Variants in TRPC4AP observed in about 807,000 individuals in gnomAD.
TRPC4AP encodes transient receptor potential cation channel subfamily C member 4 associated protein, also known as short transient receptor potential channel 4-associated protein.
A neutral mutation model predicts 99.0 loss-of-function variants in TRPC4AP; 45 were observed. The observed-to-expected ratio is 0.45, with a 90% CI of 0.36 to 0.58. The LOEUF is 0.58. Ranked by LOEUF, TRPC4AP falls within the 20% of genes least tolerant of loss-of-function variation. TRPC4AP has a pLI of 0.00. For missense variants in TRPC4AP, 879 were observed against 985.3 expected (o/e 0.89, Z 1.44); for synonymous variants, 408 against 385.8 (o/e 1.06, Z -0.67).
intron 7 of TRPC4AP, among the ~76,000 whole-genome samples, chr20:35,036,438 A>C (rs1282291603): frequency 6.6e-6 from 1 of 152,246 alleles, no homozygotes; most frequent in Admixed American, 6.5e-5. Flanking sequence ...GAACCATGTG[A>C]ATGTTACACC....
At chr20:35,018,193 G>A (rs1339595505) in intron 9 of TRPC4AP, among the ~76,000 whole-genome samples, 3 of 152,250 alleles carry the variant, frequency 2.0e-5, no homozygotes, top group African/African-American at 7.2e-5. Flanking sequence ...CAGCTGGGAA[G>A]AGAGGGGCCT....
At chr20:35,057,317 A>C (rs2083858474) in intron 4 of TRPC4AP, among the ~76,000 whole-genome samples, 197 bp downstream of exon 4, 1 of 152,198 alleles carries the variant, frequency 6.6e-6, no homozygotes, top group East Asian at 1.9e-4. Context: ...CTCTTAACCC[A>C]GATCTGAATT....
At chr20:35,054,941 G>A in intron 5 of TRPC4AP, 35 bp downstream of exon 5, 1 of 1,568,274 alleles carries the variant, frequency 6.4e-7, no homozygotes, top group South Asian at 1.1e-5. Context: ...CCTGGTAGGG[G>A]AGATAAACAG....
chr20:35,047,677 G>T (rs1227738161), intron 6 of TRPC4AP, among the ~76,000 whole-genome samples: 1 of 152,158 alleles, frequency 6.6e-6, no homozygotes, highest in Non-Finnish European at 1.5e-5. Context: ...ATATTGGAAT[G>T]TATATAGAAA....
intron 3 of TRPC4AP, 129 bp from the exon 4 acceptor site, chr20:35,057,700 G>C (rs1417928599): frequency 2.8e-6 from 2 of 714,336 alleles, no homozygotes; most frequent in Non-Finnish European, 4.4e-6. Flanking sequence ...CCAGGAGGCA[G>C]TTAAGGTTCA....
intron 9 of TRPC4AP, among the ~76,000 whole-genome samples, chr20:35,018,604 G>GGA (rs2082807606): frequency 1.1e-5 from 1 of 88,950 alleles, no homozygotes; most frequent in African/African-American, 4.2e-5. Context: ...CTCAAAAAAA[G>GGA]AAAAAAAAAA....
intron 5 of TRPC4AP, among the ~76,000 whole-genome samples, chr20:35,051,470 G>A (rs1249275902): frequency 6.6e-6 from 1 of 151,984 alleles, no homozygotes; most frequent in Non-Finnish European, 1.5e-5. Flanking sequence ...ACCGCACCTG[G>A]CAAATTTAAT....
intron 8 of TRPC4AP, among the ~76,000 whole-genome samples, chr20:35,032,864 T>C (rs2083234420): frequency 6.6e-6 from 1 of 152,160 alleles, no homozygotes; most frequent in African/African-American, 2.4e-5. Flanking sequence ...GTGTATAGGT[T>C]ACACTTCCTG....
intron 3 of TRPC4AP, among the ~76,000 whole-genome samples, chr20:35,068,645 C>G (rs2084208111): frequency 6.6e-6 from 1 of 151,998 alleles, no homozygotes; most frequent in Non-Finnish European, 1.5e-5. Flanking sequence ...CCTCAGCCTC[C>G]TGAGTAGCTG....
rs376094667 is a variant in TRPC4AP, at chr20:35,089,455, C to T, written c.168+3159G>A. Among the ~76,000 whole-genome samples, 35 of 149,516 alleles carry T rather than the reference C, an allele frequency of 2.3e-4. No homozygotes were observed. The East Asian group carries it at 2.8e-3, about 12-fold the overall frequency. On this transcript the variant is annotated intron_variant, in intron 1 of 18. Transcript: ENST00000252015. Reference sequence around the variant, plus strand: ...TCCACCACACTGCCCAGGCTTGACTCAAACTGGCTCAGGTGATCATCCCAT... The same window carrying T: ...TCCACCACACTGCCCAGGCTTGACTTAAACTGGCTCAGGTGATCATCCCAT...
In TRPC4AP at chr20:35,074,059, G is replaced by A. The variant is rs367583493; in HGVS notation, c.297+3987C>T. On this transcript the variant is annotated intron_variant, in intron 2 of 18. Transcript: ENST00000252015. ...CTTCTAGATTTTCTAGTTTATTTCC[G>A]TAGAGGTGTTTATAGTATTCTCTGA... 2.2e-4 allele frequency among the ~76,000 whole-genome samples: 34 copies of A among 152,290 alleles called. No homozygotes were observed. In the South Asian group the frequency reaches 3.1e-3, roughly 14 times the overall value.
At chr20:35,081,005 G>GA (rs1002301555) in intron 1 of TRPC4AP, among the ~76,000 whole-genome samples, 2 of 152,056 alleles carry the variant, frequency 1.3e-5, no homozygotes, top group Non-Finnish European at 2.9e-5. Flanking sequence ...TCAATTTGCT[G>GA]AAAATCACTG....
intron 6 of TRPC4AP, among the ~76,000 whole-genome samples, chr20:35,048,208 TTC>T (rs1478418035): frequency 3.4e-5 from 4 of 119,148 alleles, no homozygotes; most frequent in East Asian, 5.4e-4. Context: ...TTTGTAAGAA[TTC>T]TGTTTTTTTT....
chr20:35,079,947 G>A (rs1051396436), intron 1 of TRPC4AP, among the ~76,000 whole-genome samples: 6 of 150,490 alleles, frequency 4.0e-5, no homozygotes, highest in Non-Finnish European at 8.8e-5. Context: ...ACTTGAGCTT[G>A]GGAGAATGAG....
intron 8 of TRPC4AP, among the ~76,000 whole-genome samples, chr20:35,026,730 G>C (rs1423258436): frequency 6.6e-6 from 1 of 151,998 alleles, no homozygotes; most frequent in African/African-American, 2.4e-5. Flanking sequence ...CATTTATTTA[G>C]GGTTTAATTT....
rs766860111 is a variant in TRPC4AP, at chr20:35,044,696, T to C, written c.674A>G (p.Asp225Gly). The change falls in exon 7 of 19, where the codon GAT becomes GGT. Residue 225 changes from aspartate (D) to glycine (G), a missense_variant. Around this residue, in one of 3 missense-constraint regions of TRPC4AP, gnomAD observed 603 missense variants for 631.8 expected, o/e 0.95. Transcript: ENST00000252015. ...LGVKKEMIRL[D>G]EVPNLSSLVS... is the part of the protein sequence containing the mutation. ...TAAGGAACTCAGATTGGGGACTTCA[T>C]CTAGTCGGATCATTTCCTACAGAAG... 1.4e-5 allele frequency: 22 copies of C among 1,614,020 alleles called. No homozygotes were observed. The South Asian group carries it at 2.3e-4, about 17-fold the overall frequency.
chr20:35,082,962 A>G (rs1347699868), intron 1 of TRPC4AP, among the ~76,000 whole-genome samples: 2 of 152,162 alleles, frequency 1.3e-5, no homozygotes, highest in African/African-American at 2.4e-5. Context: ...TTTCCCTCTT[A>G]GATCAGGAAC....
At chr20:35,091,852 G>C (rs986154315) in intron 1 of TRPC4AP, among the ~76,000 whole-genome samples, 1 of 152,142 alleles carries the variant, frequency 6.6e-6, no homozygotes, top group Non-Finnish European at 1.5e-5. Context: ...TTAAAAGGTA[G>C]GTTACTAATT....
chr20:35,031,301 C>G (rs1174947433), intron 8 of TRPC4AP, among the ~76,000 whole-genome samples: 1 of 151,396 alleles, frequency 6.6e-6, no homozygotes, highest in Non-Finnish European at 1.5e-5. Flanking sequence ...CAGCTCACTA[C>G]AGCCTCATCC....
Sources: gnomAD v4.1 joint callset for allele counts (sites outside exome capture counted in the v4.1 genomes callset) on GRCh38, gnomAD v4.1.1 for gene constraint, gnomAD v4.1.1 regional missense constraint, MANE v1.5 for transcripts, NCBI Gene and HGNC (gene_info 2026-07-23, HGNC 2026-07-21) for gene names.